Variants in RCOR3 observed in about 807,000 individuals in gnomAD.
RCOR3 encodes the protein REST corepressor 3.
Under a neutral mutation model 64.1 loss-of-function variants are expected in RCOR3, and 13 were observed. The observed-to-expected ratio is 0.20, with a 90% CI of 0.13 to 0.32. The LOEUF is 0.32. RCOR3 is among the 10% of genes least tolerant of loss of function. The probability of loss-of-function intolerance (pLI) is 1.00; values close to 1 mark genes in which losing one functional copy is unlikely to be tolerated. For synonymous variants in RCOR3, 215 were observed against 239.0 expected, an observed-to-expected ratio of 0.90 and a Z score of 0.93; for missense variants, 489 against 701.2, an observed-to-expected ratio of 0.70 and a Z score of 3.42.
At chr1:211,301,957 T>C (rs968137403) in intron 9 of RCOR3, 6 of 152,192 alleles carry the variant, frequency 3.9e-5, no homozygotes, top group African/African-American at 1.2e-4. Context: ...TTTTTAGATA[T>C]AGTCTAAATA....
At chr1:211,307,279 A>G (rs963480183) in intron 10 of RCOR3, among the ~76,000 whole-genome samples, 6 of 152,128 alleles carry the variant, frequency 3.9e-5, no homozygotes, top group African/African-American at 1.4e-4. Context: ...ACTTGAGGCC[A>G]GGAGTTCAAG....
At chr1:211,305,107 C>T (rs1274212341) in intron 10 of RCOR3, among the ~76,000 whole-genome samples, 2 of 152,080 alleles carry the variant, frequency 1.3e-5, no homozygotes, top group African/African-American at 2.4e-5. Context: ...GACATCATTC[C>T]GATTGATCGA....
chr1:211,313,028 A>C lies in RCOR3; in HGVS notation c.1317+67A>C. The C allele has an allele frequency of 6.2e-7, 1 of 1,607,140 alleles. No homozygotes were observed. Among genetic ancestry groups the C allele is most frequent in the Non-Finnish European group, 8.5e-7 (1 of 1,175,614 alleles). ...ATCACCATTTTGTGTGGTATTCTGT[A>C]AGGTTAATTTGTCAAGAGGACTAGC... is the stretch of plus-strand genomic sequence containing the variant. On this transcript the variant is annotated intron_variant, in intron 11 of 11. Coordinates refer to ENST00000419091, the MANE Select transcript of RCOR3 (RefSeq NM_001136223.3). This position sits in a 1 kb window ranked among gnomAD's most constrained non-coding sequence, Gnocchi z 4.7.
At chr1:211,263,488 G>A (rs2102422209) in intron 2 of RCOR3, among the ~76,000 whole-genome samples, 1 of 152,226 alleles carries the variant, frequency 6.6e-6, no homozygotes, top group South Asian at 2.1e-4. Context: ...ATCACTTTCT[G>A]TAAGTTCACT....
chr1:211,308,717 T>C (rs6703822), intron 10 of RCOR3, among the ~76,000 whole-genome samples: 110 of 1,032 alleles, frequency 0.11, no homozygotes, highest in East Asian at 0.44. Context: ...CCAAAATCAA[T>C]TTTTTTTTTT....
chr1:211,309,086 T>TAAA (rs10688171), intron 10 of RCOR3, among the ~76,000 whole-genome samples: 51,109 of 113,674 alleles, frequency 0.45, 12,096 homozygotes, highest in East Asian at 0.57. Flanking sequence ...TAGCTAAACA[T>TAAA]AAAAAAAAAA....
chr1:211,275,070 A>G (rs888391355), intron 4 of RCOR3, among the ~76,000 whole-genome samples: 2 of 151,472 alleles, frequency 1.3e-5, no homozygotes, highest in Non-Finnish European at 3.0e-5. Context: ...AGACAAATAT[A>G]TGGTACATTA....
chr1:211,297,554 G>C (rs1244083564), intron 9 of RCOR3, among the ~76,000 whole-genome samples: 1 of 152,068 alleles, frequency 6.6e-6, no homozygotes, highest in Non-Finnish European at 1.5e-5. Context: ...GCTATTGGGT[G>C]AGAAGTTATC....
Position 211,259,637 on chromosome 1 carries a change from C to G in RCOR3, c.77C>G (p.Ala26Gly). ...RSANGSAKSP[A>G]GGGGSGASST... ...GCCAACGGCAGCGCCAAGAGCCCGG[C>G]AGGCGGCGGCGGCAGCGGCGCCTCG... is the stretch of plus-strand genomic sequence containing the variant. The change falls in exon 1 of 12, where the codon GCA becomes GGA. Residue 26 changes from alanine (A) to glycine (G), a missense_variant. By Grantham distance (60) the Ala-to-Gly change is moderately conservative. This residue lies in a region of RCOR3 where 87 missense variants were observed against 84.3 expected (regional missense o/e 1.03). Transcript: ENST00000419091. 1.3e-6 allele frequency: 2 copies of G among 1,547,298 alleles called. No homozygotes were observed. Among genetic ancestry groups the G allele is most frequent in the Non-Finnish European group, 1.7e-6 (2 of 1,145,464 alleles).
At chr1:211,281,847 C>T (rs2102528194) in intron 7 of RCOR3, among the ~76,000 whole-genome samples, 1 of 152,252 alleles carries the variant, frequency 6.6e-6, no homozygotes, top group Middle Eastern at 3.4e-3. Context: ...CTGAGTGGTA[C>T]TTGTTTACTC....
At chr1:211,283,104 C>T (rs529650762) in intron 7 of RCOR3, among the ~76,000 whole-genome samples, 8 of 152,130 alleles carry the variant, frequency 5.3e-5, no homozygotes, top group Non-Finnish European at 2.9e-5. Context: ...CTTTTTATTA[C>T]GGACACTGCT....
chr1:211,274,272 G>T lies in RCOR3; in HGVS notation c.354+10G>T. ...CTACAATGTGGAACAGGTATGTAGA[G>T]AAACACTTCAGTAGTAAGGCTTGTC... On this transcript the variant is annotated intron_variant, in intron 4 of 11. Coordinates refer to ENST00000419091, the MANE Select transcript of RCOR3 (RefSeq NM_001136223.3). 1 of 1,577,610 alleles carries T rather than the reference G, an allele frequency of 6.3e-7. No homozygotes were observed. The highest frequency in any genetic ancestry group is 8.7e-7 in the Non-Finnish European group (1 of 1,148,466).
chr1:211,272,611 A>ATTTT (rs1558054249), intron 3 of RCOR3, among the ~76,000 whole-genome samples: 24 of 17,548 alleles, frequency 1.4e-3, no homozygotes, highest in Non-Finnish European at 2.7e-3. Flanking sequence ...TGGATGTCTT[A>ATTTT]CTTTTTTTTT....
chr1:211,291,010 A>G (rs766101028), intron 8 of RCOR3, among the ~76,000 whole-genome samples: 1 of 151,864 alleles, frequency 6.6e-6, no homozygotes, highest in African/African-American at 2.4e-5. Flanking sequence ...AGTGATTACA[A>G]TATTCATCCT....
At chr1:211,264,143 T>C (rs1694819560) in intron 2 of RCOR3, among the ~76,000 whole-genome samples, 1 of 152,168 alleles carries the variant, frequency 6.6e-6, no homozygotes, top group Non-Finnish European at 1.5e-5. Context: ...TTATTAATTA[T>C]GGAAATTGAG....
At chr1:211,275,873 C>G (rs1401152075) in intron 4 of RCOR3, among the ~76,000 whole-genome samples, 1 of 152,154 alleles carries the variant, frequency 6.6e-6, no homozygotes, top group Non-Finnish European at 1.5e-5. Context: ...GGCATCTGAT[C>G]ATTTCATTCA....
intron 9 of RCOR3, among the ~76,000 whole-genome samples, chr1:211,298,732 C>T (rs1571967304): frequency 1.3e-5 from 2 of 152,056 alleles, no homozygotes; most frequent in Middle Eastern, 6.8e-3. Flanking sequence ...GAGGGCCAGG[C>T]GTGGTGGCTC....
chr1:211,315,970 A>G lies in RCOR3; in HGVS notation c.*2202A>G, dbSNP rs1701843138. 1 of 152,218 alleles carries G rather than the reference A, an allele frequency of 6.6e-6. No homozygotes were observed. Among genetic ancestry groups the G allele is most frequent in the African/African-American group, 2.4e-5 (1 of 41,454 alleles). The allele number at this position is 152,218 out of a possible 1,614,324, so 9.4% of individuals were successfully genotyped here. ...TTGTTTAAGCAGTGTTTGGCCTGGAAGAGTGATATGCTTGCTGCTTAATCA... is the reference window on the plus strand; with the variant it reads ...TTGTTTAAGCAGTGTTTGGCCTGGAGGAGTGATATGCTTGCTGCTTAATCA... On this transcript the variant is annotated 3_prime_UTR_variant, in exon 12 of 12. Coordinates refer to ENST00000419091, the MANE Select transcript of RCOR3 (RefSeq NM_001136223.3).
intron 10 of RCOR3, among the ~76,000 whole-genome samples, chr1:211,308,552 A>G (rs1355749989): frequency 6.6e-6 from 1 of 152,074 alleles, no homozygotes; most frequent in Non-Finnish European, 1.5e-5. Context: ...TTTCCCAGTT[A>G]AACTAAGTAC....
Sources: gnomAD v4.1 joint callset for allele counts (sites outside exome capture counted in the v4.1 genomes callset) on GRCh38, gnomAD v4.1.1 for gene constraint, gnomAD v4.1.1 regional missense constraint, Gnocchi (gnomAD v3.1) non-coding constraint, MANE v1.5 for transcripts, NCBI Gene and HGNC (gene_info 2026-07-23, HGNC 2026-07-21) for gene names.